Variants in INSC observed in about 807,000 individuals in gnomAD.
INSC encodes the protein protein inscuteable homolog.
Under a neutral mutation model 58.6 loss-of-function variants are expected in INSC, and 67 were observed. The ratio of observed to expected loss-of-function variants is 1.14; its 90% CI spans 0.94 to 1.40. The LOEUF (loss-of-function observed/expected upper bound fraction) is 1.40, where lower values mean the gene tolerates loss of function less well. Ranked by LOEUF, INSC falls within the 40% of genes most tolerant of loss-of-function variation. INSC has a pLI of 0.00. For synonymous variants in INSC, 262 were observed against 276.1 expected, an observed-to-expected ratio of 0.95 and a Z score of 0.51; for missense variants, 714 against 692.0, an observed-to-expected ratio of 1.03 and a Z score of -0.36.
At chr11:15,185,682 G>T (rs1429621190) in intron 5 of INSC, among the ~76,000 whole-genome samples, 1 of 152,026 alleles carries the variant, frequency 6.6e-6, no homozygotes, top group Non-Finnish European at 1.5e-5. Context: ...AATGAATGAT[G>T]CAGAATGTTA....
intron 2 of INSC, among the ~76,000 whole-genome samples, chr11:15,158,128 C>CT (rs1443003855): frequency 6.6e-6 from 1 of 152,054 alleles, no homozygotes; most frequent in Non-Finnish European, 1.5e-5. Context: ...TGTTTTATAA[C>CT]TATCATTTCC....
chr11:15,174,495 G>A (rs1475845042), intron 2 of INSC, among the ~76,000 whole-genome samples: 4 of 152,206 alleles, frequency 2.6e-5, no homozygotes, highest in Admixed American at 2.0e-4. Flanking sequence ...TGCTGCTACA[G>A]TCTAGGTCTT....
upstream of INSC, among the ~76,000 whole-genome samples, chr11:15,114,248 G>A (rs1434401732): frequency 7.4e-6 from 1 of 135,242 alleles, no homozygotes; most frequent in Non-Finnish European, 1.6e-5. Context: ...GTCCAGGACG[G>A]GGGTGGGGGG....
intron 6 of INSC, among the ~76,000 whole-genome samples, chr11:15,196,119 G>T (rs11826251): frequency 0.023 from 3,525 of 152,234 alleles, 138 homozygotes; most frequent in African/African-American, 0.079. Flanking sequence ...GTTGTTTAAA[G>T]ATTTCAAATA....
chr11:15,235,996 C>T (rs1480261732), intron 10 of INSC, among the ~76,000 whole-genome samples: 1 of 139,704 alleles, frequency 7.2e-6, no homozygotes, highest in Non-Finnish European at 1.5e-5. Flanking sequence ...GCGGAGGTTG[C>T]AGTGAGCTGA....
rs754442455 is a variant in INSC at position 15,149,171 on chromosome 11, C to A, written c.-4C>A. On this transcript the variant is annotated 5_prime_UTR_variant, in exon 2 of 13. Transcript: ENST00000379556. Reference sequence around the variant, plus strand: ...AGCAGGCTTTGCTGCAGATTGGGATCAACATGATGGCACTGCCTGGAGGTC... The same window carrying A: ...AGCAGGCTTTGCTGCAGATTGGGATAAACATGATGGCACTGCCTGGAGGTC... 1 of 1,611,534 alleles carries A rather than the reference C, an allele frequency of 6.2e-7. No homozygotes were observed. Among genetic ancestry groups the A allele is most frequent in the East Asian group, 2.2e-5 (1 of 44,600 alleles).
At chr11:15,141,712 C>G (rs1472861642) in intron 1 of INSC, among the ~76,000 whole-genome samples, 1 of 152,162 alleles carries the variant, frequency 6.6e-6, no homozygotes, top group Admixed American at 6.5e-5. Context: ...ACTATTGCCA[C>G]CCTTGCACAG....
At chr11:15,180,280 C>T (rs538739693) in intron 5 of INSC, among the ~76,000 whole-genome samples, 83 of 151,708 alleles carry the variant, frequency 5.5e-4, no homozygotes, top group Admixed American at 9.2e-4. Context: ...CAAAACAAAA[C>T]AAACAAACAA....
At chr11:15,166,506 G>C (rs765880471) in intron 2 of INSC, among the ~76,000 whole-genome samples, 6 of 152,142 alleles carry the variant, frequency 3.9e-5, no homozygotes, top group Non-Finnish European at 8.8e-5. Flanking sequence ...CCTAGCCAAA[G>C]ACAAAATCCA....
chr11:15,161,517 T>G (rs530991195), intron 2 of INSC, among the ~76,000 whole-genome samples: 11 of 152,232 alleles, frequency 7.2e-5, no homozygotes, highest in African/African-American at 2.6e-4. Flanking sequence ...AGGGGGCATT[T>G]CCACTATAGG....
chr11:15,266,124 T>C, the INSC span, among the ~76,000 whole-genome samples: 191 of 152,022 alleles, frequency 1.3e-3, no homozygotes, highest in Non-Finnish European at 4.7e-4. Flanking sequence ...TTCTTAGATG[T>C]GGAGAAGAAG....
Position 15,177,072 on chromosome 11 carries a change from G to A in INSC, c.403-39G>A, listed in dbSNP as rs370187752. On this transcript the variant is annotated intron_variant, in intron 3 of 12. Coordinates refer to ENST00000379556, the MANE Select transcript of INSC (RefSeq NM_001042536.3). ...GCACAGCAGTTGGTCCTCAGTTAAT[G>A]CTTACTGAGTTGAATAAAATGGACT... 110 of 1,534,242 alleles carry A rather than the reference G, an allele frequency of 7.2e-5. 3 individuals are homozygous for A. In the African/African-American group the frequency reaches 1.3e-3, roughly 19 times the overall value.
At chr11:15,176,168 C>A in intron 3 of INSC, 82 bp downstream of exon 3, 1 of 1,197,678 alleles carries the variant, frequency 8.3e-7, no homozygotes, top group Non-Finnish European at 1.1e-6. Context: ...CATGTGGTGT[C>A]TGAATCTTTT....
At chr11:15,161,912 G>A (rs1159938310) in intron 2 of INSC, among the ~76,000 whole-genome samples, 2 of 152,216 alleles carry the variant, frequency 1.3e-5, no homozygotes, top group Non-Finnish European at 1.5e-5. Context: ...GGGATGGGAA[G>A]TTAATAGCCT....
At chr11:15,125,135 C>T (rs910057780) in intron 1 of INSC, among the ~76,000 whole-genome samples, 1 of 152,146 alleles carries the variant, frequency 6.6e-6, no homozygotes, top group African/African-American at 2.4e-5. Flanking sequence ...GAGGTTTTCT[C>T]TGATAAGCAG....
intron 2 of INSC, among the ~76,000 whole-genome samples, chr11:15,158,685 T>G (rs1848901541): frequency 7.7e-6 from 1 of 130,566 alleles, no homozygotes; most frequent in African/African-American, 2.6e-5. Flanking sequence ...ATGTGACCTC[T>G]CCAAACAAAA....
intron 9 of INSC, among the ~76,000 whole-genome samples, chr11:15,229,920 AT>A (rs1851782323): frequency 9.7e-6 from 1 of 103,238 alleles, no homozygotes; most frequent in South Asian, 2.8e-4. Flanking sequence ...ATATATATAA[AT>A]TTTTTATATA....
At chr11:15,254,979 A>G in the INSC span, among the ~76,000 whole-genome samples, 1 of 152,206 alleles carries the variant, frequency 6.6e-6, no homozygotes, top group Admixed American at 6.5e-5. Flanking sequence ...GGCACTGTAT[A>G]TGTACTACTT....
chr11:15,128,516 G>T (rs1350063298), intron 1 of INSC, among the ~76,000 whole-genome samples: 1 of 152,208 alleles, frequency 6.6e-6, no homozygotes, highest in Non-Finnish European at 1.5e-5. Flanking sequence ...CTAAGCTTAT[G>T]CAGTTAGTTA....
Sources: allele counts gnomAD v4.1 joint callset (sites outside exome capture counted in the v4.1 genomes callset), GRCh38; gene constraint gnomAD v4.1.1; transcripts MANE v1.5; gene names NCBI Gene and HGNC (gene_info 2026-07-23, HGNC 2026-07-21).